The following SPATA7 variants were observed in gnomAD, a reference collection of about 807,000 sequenced individuals.
SPATA7 encodes the protein spermatogenesis-associated protein 7.
A neutral mutation model predicts 51.8 loss-of-function variants in SPATA7; 43 were observed. That is an observed-to-expected ratio of 0.83 (90% CI 0.65 to 1.07). The LOEUF (loss-of-function observed/expected upper bound fraction) is 1.07. SPATA7 is among the 50% of genes least tolerant of loss of function. The pLI is 0.00. For synonymous variants in SPATA7, 230 were observed against 252.8 expected, an observed-to-expected ratio of 0.91 and a Z score of 0.86; for missense variants, 683 against 701.3, an observed-to-expected ratio of 0.97 and a Z score of 0.30.
chr14:88,425,989 A>G (rs1011044959), intron 5 of SPATA7, among the ~76,000 whole-genome samples: 1 of 152,198 alleles, frequency 6.6e-6, no homozygotes, highest in African/African-American at 2.4e-5. Context: ...TAGATATGTT[A>G]TTCATCTTTT....
chr14:88,465,446 A>G (rs2077350619), intron 4 of SPATA7, among the ~76,000 whole-genome samples: 1 of 152,194 alleles, frequency 6.6e-6, no homozygotes, highest in Non-Finnish European at 1.5e-5. Context: ...TAGCCTGGGC[A>G]ATAGAGCAAG....
intron 3 of SPATA7, among the ~76,000 whole-genome samples, chr14:88,452,569 T>C (rs1402568018): frequency 2.0e-5 from 3 of 152,198 alleles, no homozygotes. Context: ...TTCTGTCTGC[T>C]CAATTCTCTT....
intron 4 of SPATA7, among the ~76,000 whole-genome samples, chr14:88,401,322 C>T (rs536625600): frequency 5.3e-5 from 8 of 152,200 alleles, no homozygotes; most frequent in African/African-American, 1.9e-4. Flanking sequence ...ACTCTCTCAA[C>T]AAAATAGGAA....
downstream of SPATA7, among the ~76,000 whole-genome samples, chr14:88,456,501 T>G (rs1196942842): frequency 6.6e-6 from 1 of 152,162 alleles, no homozygotes; most frequent in Non-Finnish European, 1.5e-5. Context: ...TTCATGTGTC[T>G]TTTGGCTGCA....
intron 3 of SPATA7, among the ~76,000 whole-genome samples, chr14:88,445,750 T>G (rs978774884): frequency 6.6e-5 from 10 of 152,252 alleles, no homozygotes; most frequent in Admixed American, 1.3e-4. Context: ...TAATCATGTG[T>G]TTTTTGTCTT....
At chr14:88,461,455 A>G (rs845769) in intron 4 of SPATA7, among the ~76,000 whole-genome samples, 83,713 of 152,016 alleles carry the variant, frequency 0.55, 25,407 homozygotes, top group Admixed American at 0.7. Flanking sequence ...GATAGATCTC[A>G]GACCGCTGTG....
At position 88,438,196 on chromosome 14, in the gene SPATA7, C is replaced by T. The variant is rs766615623; in HGVS notation, c.1574C>T (p.Pro525Leu). 1 of 1,613,614 alleles carries T rather than the reference C, an allele frequency of 6.2e-7. No homozygotes were observed. Among genetic ancestry groups the T allele is most frequent in the Admixed American group, 1.7e-5 (1 of 59,930 alleles). ...ACTTCAACTTTGGATGAAAATCATC[C>T]AAGTATTTCAGACAGTTTAACAGAT... Reference protein sequence around the residue: ...LETSTLDENHPSISDSLTDRE... With the variant: ...LETSTLDENHLSISDSLTDRE... Residue 525 changes from proline to leucine, a missense_variant, in exon 12 of 12, where the codon CCA becomes CTA. Coordinates refer to ENST00000393545, the MANE Select transcript of SPATA7 (RefSeq NM_018418.5).
At chr14:88,393,133 A>G (rs1432912037) in intron 2 of SPATA7, among the ~76,000 whole-genome samples, 2 of 152,166 alleles carry the variant, frequency 1.3e-5, no homozygotes, top group Non-Finnish European at 2.9e-5. Context: ...AAATGTAATG[A>G]CAGATCATAT....
At chr14:88,457,373 C>A (rs1401210659), downstream of SPATA7, among the ~76,000 whole-genome samples, 2 of 152,152 alleles carry the variant, frequency 1.3e-5, no homozygotes, top group Non-Finnish European at 2.9e-5. Context: ...AATGTTCTTG[C>A]ATTTGTTTGT....
intron 5 of SPATA7, among the ~76,000 whole-genome samples, chr14:88,419,953 A>G (rs994743874): frequency 6.6e-6 from 1 of 152,174 alleles, no homozygotes; most frequent in Non-Finnish European, 1.5e-5. Flanking sequence ...CAGTGCAGGT[A>G]GGACCTGTAA....
chr14:88,429,419 A>T lies in SPATA7; in HGVS notation c.984A>T (p.Thr328=). The T allele has an allele frequency of 6.2e-7, 1 of 1,612,890 alleles. No individual in the cohort carries two copies. Among genetic ancestry groups the T allele is most frequent in the Non-Finnish European group, 8.5e-7 (1 of 1,179,132 alleles). The change falls in exon 8 of 12, where the codon ACA becomes ACT. Residue 328 remains threonine, a synonymous_variant. Transcript: ENST00000393545. ...TACCTTTAGAAGGGCATGACTCAACATGGGATGAGATTAAGGATGATGCTC... is the reference window on the plus strand; with the variant it reads ...TACCTTTAGAAGGGCATGACTCAACTTGGGATGAGATTAAGGATGATGCTC... ...APLPLEGHDS[T]WDEIKDDALQ...
In SPATA7 at chr14:88,437,867, G is replaced by A. The variant is rs146008165; in HGVS notation, c.1245G>A (p.Leu415=). ...EEKMRHLLHV[L]KVDLGCTSEE... ...AAATGCGCCACCTGCTGCATGTCCT[G>A]AAAGTAGACTTAGGCTGCACATCGG... The change falls in exon 12 of 12, where the codon CTG becomes CTA. Residue 415 remains leucine (L), a synonymous_variant. Transcript: ENST00000393545. The A allele has an allele frequency of 1.2e-6, 2 of 1,603,714 alleles. No individual in the cohort carries two copies. The highest frequency in any genetic ancestry group is 1.3e-5 in the African/African-American group (1 of 74,400).
At chr14:88,417,781 G>A (rs778663327) in intron 5 of SPATA7, among the ~76,000 whole-genome samples, 8 of 151,992 alleles carry the variant, frequency 5.3e-5, no homozygotes, top group Non-Finnish European at 1.2e-4. Flanking sequence ...ATTGATACTG[G>A]CCTGTCATTT....
intron 4 of SPATA7, among the ~76,000 whole-genome samples, chr14:88,400,712 G>A (rs1193974889): frequency 6.6e-6 from 1 of 152,148 alleles, no homozygotes; most frequent in African/African-American, 2.4e-5. Flanking sequence ...TTGCACACCT[G>A]TAATCCCAGC....
At chr14:88,416,993 T>C (rs928793933) in intron 5 of SPATA7, 149 bp downstream of exon 5, 4 of 659,292 alleles carry the variant, frequency 6.1e-6, no homozygotes, top group Non-Finnish European at 1.0e-5. Flanking sequence ...TGTTCAGGCC[T>C]CTGTCACAAC....
At position 88,390,712 on chromosome 14, in the gene SPATA7, G is replaced by C. The variant is rs80261604; in HGVS notation, c.20-669G>C. 1.1e-3 allele frequency among the ~76,000 whole-genome samples: 166 copies of C among 152,302 alleles called. 2 individuals are homozygous for C. In the East Asian group the frequency reaches 0.031, roughly 28 times the overall value. On this transcript the variant is annotated intron_variant, in intron 1 of 11. Transcript: ENST00000393545. ...TGTCATTTCCAGGTGAAGAGGCATT[G>C]AATTCTGGACAAGAAAAAAGTCACA...
Position 88,426,308 on chromosome 14 carries a change from T to C in SPATA7, c.449T>C (p.Leu150Pro), listed in dbSNP as rs2076790271. The C allele has an allele frequency of 6.2e-7, 1 of 1,614,068 alleles. No homozygotes were observed. The highest frequency in any genetic ancestry group is 2.2e-5 in the East Asian group (1 of 44,872). ...MNGFSSFARS[L>P]VPSSERLHLS... ...GGATTTTCATCCTTTGCAAGGTCAC[T>C]AGTACCCTCTTCAGAGAGACTACAC... Residue 150 changes from leucine (L) to proline (P), a missense_variant, in exon 6 of 12, where the codon CTA becomes CCA. Transcript: ENST00000393545.
downstream of SPATA7, among the ~76,000 whole-genome samples, chr14:88,455,941 G>T (rs1301170760): frequency 7.1e-6 from 1 of 140,404 alleles, no homozygotes; most frequent in Non-Finnish European, 1.5e-5. Context: ...TGTTCTCATT[G>T]TTCAGTTCCC....
chr14:88,389,921 T>C (rs2075694380), intron 1 of SPATA7, among the ~76,000 whole-genome samples: 1 of 152,238 alleles, frequency 6.6e-6, no homozygotes, highest in African/African-American at 2.4e-5. Flanking sequence ...TTGGTCTGTT[T>C]CACATGATTT....
Sources: allele counts gnomAD v4.1 joint callset (sites outside exome capture counted in the v4.1 genomes callset), GRCh38; gene constraint gnomAD v4.1.1; transcripts MANE v1.5; gene names NCBI Gene and HGNC (gene_info 2026-07-23, HGNC 2026-07-21).